PIAS2: variants seen among roughly 807,000 people sequenced by gnomAD.
PIAS2 encodes protein inhibitor of activated STAT 2.
In PIAS2, 19 loss-of-function variants were observed where a neutral mutation model predicts 69.7. That is an observed-to-expected ratio of 0.27 (90% confidence interval 0.19 to 0.40). PIAS2 has a LOEUF of 0.40. PIAS2 is among the 10% of genes least tolerant of loss of function. The pLI, the probability that PIAS2 is intolerant of heterozygous loss-of-function variation, is 1.00. For missense variants in PIAS2, 624 were observed against 757.0 expected, an observed-to-expected ratio of 0.82 and a Z score of 2.06; for synonymous variants, 261 against 263.2, an observed-to-expected ratio of 0.99 and a Z score of 0.08.
chr18:46,897,720 G>A (rs1408933626), intron 1 of PIAS2, among the ~76,000 whole-genome samples: 2 of 152,156 alleles, frequency 1.3e-5, no homozygotes, highest in East Asian at 1.9e-4. Context: ...AAGAAATTCT[G>A]TTAACATGAT....
intron 9 of PIAS2, 156 bp downstream of exon 9, chr18:46,836,201 A>G: frequency 1.8e-6 from 1 of 558,430 alleles, no homozygotes. Context: ...AATAAGATTG[A>G]GTATAATTAG....
At chr18:46,816,718 T>G in intron 12 of PIAS2, 1 of 811,460 alleles carries the variant, frequency 1.2e-6, no homozygotes. Flanking sequence ...TCCTCCCGCC[T>G]CAGCCTCCCA....
At chr18:46,901,238 A>G in intron 1 of PIAS2, 1 of 408,736 alleles carries the variant, frequency 2.4e-6, no homozygotes, top group Non-Finnish European at 4.9e-6. Flanking sequence ...ACCAACATGG[A>G]GAACCCCATC....
chr18:46,891,303 T>C (rs1254176046), intron 1 of PIAS2: 1 of 587,498 alleles, frequency 1.7e-6, no homozygotes, highest in African/African-American at 1.9e-5. Context: ...AGTCTATTGG[T>C]TTCTACTAAC....
chr18:46,814,546 A>G (rs1382414579), intron 13 of PIAS2, among the ~76,000 whole-genome samples: 1 of 152,224 alleles, frequency 6.6e-6, no homozygotes, highest in East Asian at 1.9e-4. Context: ...CTGTTCATGT[A>G]ATCAGATACA....
chr18:46,870,238 C>T (rs1360875031), intron 2 of PIAS2, among the ~76,000 whole-genome samples: 1 of 152,136 alleles, frequency 6.6e-6, no homozygotes, highest in Admixed American at 6.5e-5. Flanking sequence ...ACTCTTTTCC[C>T]CTTGAGGGAA....
At position 46,807,376 on chromosome 18, in the gene PIAS2, TA is replaced by T. The variant is rs1223842090; in HGVS notation, c.*5056del. ...GATTTTATATATATATATATATATA[TA>T]TATATATTTTTTTTTTTTTTTTTTT... On this transcript the variant is annotated 3_prime_UTR_variant, in exon 14 of 14. Transcript: ENST00000585916. 84 of 31,600 alleles carry T rather than the reference TA, an allele frequency of 2.7e-3. No individual in the cohort carries two copies. The highest frequency in any genetic ancestry group is 0.01 in the East Asian group (22 of 2,158). 2.0% of individuals were successfully genotyped at this position (31,600 alleles called of 1,614,324 possible). A position where few individuals can be genotyped will look rare whatever the true frequency, so the allele number is the denominator to read the frequency against.
intron 9 of PIAS2, among the ~76,000 whole-genome samples, chr18:46,835,582 G>A (rs1055590879): frequency 3.9e-5 from 6 of 152,118 alleles, no homozygotes; most frequent in Non-Finnish European, 7.3e-5. Context: ...ATGTACCACA[G>A]TGCCTGGCTT....
Position 46,810,821 on chromosome 18 carries a change from A to C in PIAS2, c.*1612T>G, listed in dbSNP as rs893192503. 2.0e-5 allele frequency: 3 copies of C among 151,778 alleles called. No individual in the cohort carries two copies. The highest frequency in any genetic ancestry group is 4.8e-5 in the African/African-American group (2 of 41,344). The allele number at this position is 151,778 out of a possible 1,614,324, so 9.4% of individuals were successfully genotyped here. A position where few individuals can be genotyped will look rare whatever the true frequency, so the allele number is the denominator to read the frequency against. ...TCTTAAGTAGGATGTCCCTATTCTA[A>C]CGGAAATTGATGAGTCCACACCTGG... On this transcript the variant is annotated 3_prime_UTR_variant, in exon 14 of 14. Coordinates refer to ENST00000585916, the MANE Select transcript of PIAS2 (RefSeq NM_004671.5).
intron 1 of PIAS2, among the ~76,000 whole-genome samples, chr18:46,894,746 C>G (rs191709931): frequency 2.6e-3 from 394 of 152,070 alleles, no homozygotes; most frequent in African/African-American, 9.3e-3. Flanking sequence ...AAGATGAAGG[C>G]AAGCTGAAGG....
intron 2 of PIAS2, among the ~76,000 whole-genome samples, chr18:46,886,379 A>G (rs2053185849): frequency 6.6e-6 from 1 of 152,248 alleles, no homozygotes; most frequent in Non-Finnish European, 1.5e-5. Flanking sequence ...ATATAAATGA[A>G]CCACGACATT....
intron 3 of PIAS2, among the ~76,000 whole-genome samples, chr18:46,856,403 T>C (rs934896229): frequency 1.3e-5 from 2 of 152,268 alleles, no homozygotes; most frequent in South Asian, 4.1e-4. Context: ...GATTCTAATA[T>C]AGACCCAGGA....
At chr18:46,849,019 G>A (rs1009642380) in intron 5 of PIAS2, among the ~76,000 whole-genome samples, 1 of 152,122 alleles carries the variant, frequency 6.6e-6, no homozygotes, top group Non-Finnish European at 1.5e-5. Flanking sequence ...CTGTCTGCTG[G>A]TATGTCCACT....
chr18:46,816,429 T>G, intron 12 of PIAS2: 1 of 985,316 alleles, frequency 1.0e-6, no homozygotes, highest in Non-Finnish European at 1.2e-6. Context: ...AAAGAAATCA[T>G]TCCAACGATT....
At chr18:46,877,517 C>T (rs889146740) in intron 2 of PIAS2, among the ~76,000 whole-genome samples, 2 of 152,216 alleles carry the variant, frequency 1.3e-5, no homozygotes, top group African/African-American at 4.8e-5. Context: ...GCCGAAACAG[C>T]TCTTCCCATC....
At chr18:46,919,368 C>T (rs2058382425), upstream of PIAS2, among the ~76,000 whole-genome samples, 1 of 152,064 alleles carries the variant, frequency 6.6e-6, no homozygotes, top group Non-Finnish European at 1.5e-5. Context: ...TTCCTGTAAT[C>T]CCAGCTACTC....
intron 11 of PIAS2, among the ~76,000 whole-genome samples, chr18:46,822,135 T>A (rs2042243398): frequency 6.6e-6 from 1 of 152,208 alleles, no homozygotes; most frequent in African/African-American, 2.4e-5. Flanking sequence ...TGAGAAATGA[T>A]GACAAATTGC....
At chr18:46,834,021 C>CTT (rs3837881) in intron 9 of PIAS2, among the ~76,000 whole-genome samples, 2,266 of 149,416 alleles carry the variant, frequency 0.015, 43 homozygotes, top group African/African-American at 0.046. Context: ...ACTTAATATA[C>CTT]TTTTTTTTTT....
chr18:46,819,115 C>G (rs2041890700), intron 12 of PIAS2, among the ~76,000 whole-genome samples: 1 of 152,056 alleles, frequency 6.6e-6, no homozygotes. Flanking sequence ...CTTTAATGAA[C>G]AGAAATGCTC....
Sources: gnomAD v4.1 joint callset for allele counts (sites outside exome capture counted in the v4.1 genomes callset) on GRCh38, gnomAD v4.1.1 for gene constraint, MANE v1.5 for transcripts, NCBI Gene and HGNC (gene_info 2026-07-23, HGNC 2026-07-21) for gene names.